ANKS1B: variants seen among roughly 807,000 people sequenced by gnomAD.
ANKS1B encodes ankyrin repeat and sterile alpha motif domain containing 1B, also known as ankyrin repeat and sterile alpha motif domain-containing protein 1B.
A neutral mutation model predicts 148.3 loss-of-function variants in ANKS1B; 36 were observed. The observed-to-expected ratio is 0.24, with a 90% CI of 0.19 to 0.32. The LOEUF is 0.32. Among genes scored for constraint, ANKS1B ranks in the 10% least tolerant of loss-of-function variants. The probability of loss-of-function intolerance (pLI) is 1.00; values close to 1 mark genes in which losing one functional copy is unlikely to be tolerated. For missense variants in ANKS1B, 1,157 were observed against 1,542.6 expected (o/e 0.75, Z 4.19); for synonymous variants, 542 against 560.8 (o/e 0.97, Z 0.47).
chr12:99,449,080 A>G (rs2152813509), intron 10 of ANKS1B, among the ~76,000 whole-genome samples: 1 of 152,062 alleles, frequency 6.6e-6, no homozygotes, highest in East Asian at 1.9e-4. Context: ...ATTTTAGTAG[A>G]CTTTTCTGTT....
intron 4 of ANKS1B, among the ~76,000 whole-genome samples, chr12:99,801,336 C>A (rs923722077): frequency 2.0e-5 from 3 of 152,128 alleles, no homozygotes; most frequent in African/African-American, 4.8e-5. Flanking sequence ...CACCAGTGAA[C>A]TAAATGAAAA....
chr12:99,053,848 G>A (rs924370977), intron 16 of ANKS1B, among the ~76,000 whole-genome samples: 1 of 152,084 alleles, frequency 6.6e-6, no homozygotes, highest in Non-Finnish European at 1.5e-5. Flanking sequence ...GAGGCCTTTG[G>A]GTATTTTAAG....
chr12:99,514,387 G>T (rs1488867465), intron 9 of ANKS1B, among the ~76,000 whole-genome samples: 2 of 151,964 alleles, frequency 1.3e-5, no homozygotes. Context: ...AACAATCACA[G>T]ATTCAAACTA....
At chr12:98,956,187 C>T (rs2099861883) in intron 17 of ANKS1B, among the ~76,000 whole-genome samples, 1 of 152,162 alleles carries the variant, frequency 6.6e-6, no homozygotes, top group African/African-American at 2.4e-5. Context: ...AGTCACACTT[C>T]ATTCCTTCCA....
exon 10 of ANKS1B, chr12:98,735,325 T>C (rs1261028681): frequency 2.5e-6 from 1 of 406,848 alleles, no homozygotes; most frequent in Non-Finnish European, 4.3e-6. Context: ...TTGAAACTCT[T>C]GTATTTATGA....
intron 12 of ANKS1B, chr12:99,343,666 C>T (rs2090257654): frequency 6.6e-6 from 1 of 152,004 alleles, no homozygotes; most frequent in Non-Finnish European, 1.5e-5. Context: ...TAAAATAACC[C>T]CTCAAGTATT....
At chr12:99,651,450 A>G (rs1199762131) in intron 9 of ANKS1B, among the ~76,000 whole-genome samples, 1 of 152,166 alleles carries the variant, frequency 6.6e-6, no homozygotes, top group Non-Finnish European at 1.5e-5. Context: ...AAATGACCAT[A>G]TTGCAAACTC....
At chr12:99,824,941 TAA>T (rs2082986452) in intron 2 of ANKS1B, among the ~76,000 whole-genome samples, 1 of 152,156 alleles carries the variant, frequency 6.6e-6, no homozygotes, top group Non-Finnish European at 1.5e-5. Flanking sequence ...ACACTCCTAG[TAA>T]ACACTCCTAT....
At chr12:99,724,328 A>G (rs75563336) in intron 8 of ANKS1B, among the ~76,000 whole-genome samples, 2,569 of 152,348 alleles carry the variant, frequency 0.017, 68 homozygotes, top group African/African-American at 0.059. Flanking sequence ...GATGGAGCTG[A>G]AAAACACAGC....
intron 12 of ANKS1B, among the ~76,000 whole-genome samples, chr12:99,291,277 T>C (rs921468864): frequency 1.3e-5 from 2 of 152,156 alleles, no homozygotes; most frequent in Non-Finnish European, 2.9e-5. Flanking sequence ...TGTTCAGGGA[T>C]TGGAAGAATC....
At chr12:99,383,198 T>C (rs1055589493) in intron 12 of ANKS1B, among the ~76,000 whole-genome samples, 8 of 152,142 alleles carry the variant, frequency 5.3e-5, no homozygotes, top group Non-Finnish European at 1.2e-4. Context: ...AAACCTTAGA[T>C]GGTTTCCCGC....
intron 12 of ANKS1B, among the ~76,000 whole-genome samples, chr12:99,394,772 C>T (rs1412124865): frequency 1.3e-5 from 2 of 152,146 alleles, no homozygotes; most frequent in Admixed American, 6.6e-5. Context: ...TGGTCTTCTT[C>T]CTCTACACAC....
intron 8 of ANKS1B, among the ~76,000 whole-genome samples, chr12:99,698,985 C>G (rs944129777): frequency 7.5e-6 from 1 of 132,522 alleles, no homozygotes; most frequent in Admixed American, 8.1e-5. Flanking sequence ...TGTGCACGCA[C>G]GTGCGCAAGC....
At chr12:99,876,105 C>T (rs1338613620) in intron 1 of ANKS1B, among the ~76,000 whole-genome samples, 1 of 152,160 alleles carries the variant, frequency 6.6e-6, no homozygotes, top group African/African-American at 2.4e-5. Flanking sequence ...CAGACCTGGA[C>T]ACAGGTGTCC....
intron 15 of ANKS1B, among the ~76,000 whole-genome samples, chr12:99,126,899 A>G (rs1478854230): frequency 6.6e-6 from 1 of 152,180 alleles, no homozygotes; most frequent in African/African-American, 2.4e-5. Context: ...GTGGTACCAA[A>G]TGTATACTGG....
chr12:99,876,743 AAG>A (rs34428817), intron 1 of ANKS1B, among the ~76,000 whole-genome samples: 22,252 of 150,250 alleles, frequency 0.15, 1,760 homozygotes, highest in Non-Finnish European at 0.19. Flanking sequence ...AAAAAAAAAA[AAG>A]AGAGAGAGAG....
At chr12:99,415,208 T>C (rs10745853) in intron 11 of ANKS1B, among the ~76,000 whole-genome samples, 62,139 of 152,002 alleles carry the variant, frequency 0.41, 13,146 homozygotes, top group African/African-American at 0.51. Flanking sequence ...AAATACTTTT[T>C]GACTTAGGTA....
intron 17 of ANKS1B, among the ~76,000 whole-genome samples, chr12:98,983,379 A>G (rs1353756245): frequency 6.6e-6 from 1 of 152,176 alleles, no homozygotes; most frequent in Non-Finnish European, 1.5e-5. Flanking sequence ...CCACTTATCA[A>G]TGGAGACCCT....
intron 17 of ANKS1B, among the ~76,000 whole-genome samples, chr12:98,861,552 T>C (rs1334375312): frequency 1.3e-5 from 2 of 152,176 alleles, no homozygotes; most frequent in East Asian, 3.8e-4. Context: ...GTTAATGTGA[T>C]CAATTAACAA....
Sources: gnomAD v4.1 joint callset for allele counts (sites outside exome capture counted in the v4.1 genomes callset) on GRCh38, gnomAD v4.1.1 for gene constraint, MANE v1.5 for transcripts, NCBI Gene and HGNC (gene_info 2026-07-23, HGNC 2026-07-21) for gene names.